The following NAV1 variants were observed in gnomAD, a reference collection of about 807,000 sequenced individuals.
The protein encoded by NAV1 is pore membrane and/or filament interacting like protein 3.
A neutral mutation model predicts 175.2 loss-of-function variants in NAV1; 18 were observed. The ratio of observed to expected loss-of-function variants is 0.10; its 90% CI spans 0.07 to 0.15. The LOEUF (loss-of-function observed/expected upper bound fraction) is 0.15, where lower values mean the gene tolerates loss of function less well. Among genes scored for constraint, NAV1 ranks in the 10% least tolerant of loss-of-function variants. NAV1 has a pLI of 1.00. For synonymous variants in NAV1, 897 were observed against 978.7 expected, an observed-to-expected ratio of 0.92 and a Z score of 1.56; for missense variants, 1,731 against 2,436.6, an observed-to-expected ratio of 0.71 and a Z score of 6.10.
At chr1:201,670,195 C>A (rs950282448) in intron 1 of NAV1, among the ~76,000 whole-genome samples, 1 of 150,992 alleles carries the variant, frequency 6.6e-6, no homozygotes, top group African/African-American at 2.4e-5. Context: ...ATCAAGACCA[C>A]GGTGAAACCC....
intron 21 of NAV1, 36 bp from the exon 26 acceptor site, chr1:201,809,406 T>G: frequency 6.2e-7 from 1 of 1,608,644 alleles, no homozygotes; most frequent in Non-Finnish European, 8.5e-7. Flanking sequence ...TCATCTGCAG[T>G]GAAGCTCAAG....
intron 1 of NAV1, among the ~76,000 whole-genome samples, chr1:201,708,778 C>T (rs1671776096): frequency 6.6e-6 from 1 of 152,176 alleles, no homozygotes; most frequent in African/African-American, 2.4e-5. Context: ...TGTCCCCAGG[C>T]CTGTCCCACA....
intron 16 of NAV1, 90 bp from the exon 21 acceptor site, chr1:201,804,399 A>C: frequency 3.9e-6 from 5 of 1,289,192 alleles, no homozygotes; most frequent in Middle Eastern, 1.9e-4. Context: ...TAATGCAGAC[A>C]GGTACCAGCT....
intron 3 of NAV1, among the ~76,000 whole-genome samples, chr1:201,753,103 G>C (rs888699478): frequency 6.6e-6 from 1 of 152,086 alleles, no homozygotes; most frequent in African/African-American, 2.4e-5. Context: ...CCTAAGCAAA[G>C]AAAGCTTTGG....
At chr1:201,658,193 C>T (rs1302195160) in intron 1 of NAV1, among the ~76,000 whole-genome samples, 7 of 152,212 alleles carry the variant, frequency 4.6e-5, no homozygotes, top group East Asian at 3.9e-4. Context: ...AAGTTAGTGT[C>T]GGCAGAGCAC....
chr1:201,665,167 C>T lies in NAV1; in HGVS notation c.757+15742C>T, dbSNP rs187910551. ...CTTCTTCTCTTTGAAGTGCTCCCCC[C>T]GCACCCTGCCCCACCATTCTCCCAG... On this transcript the variant is annotated intron_variant, in intron 1 of 29. Transcript: ENST00000367296. Among the ~76,000 whole-genome samples the T allele has an allele frequency of 3.8e-4, 58 of 152,190 alleles. No individual in the cohort carries two copies. In the East Asian group the frequency reaches 6.0e-3, roughly 16 times the overall value.
intron 1 of NAV1, among the ~76,000 whole-genome samples, chr1:201,676,182 C>T (rs1670241032): frequency 6.6e-6 from 1 of 152,212 alleles, no homozygotes; most frequent in Non-Finnish European, 1.5e-5. Flanking sequence ...GCACAGACCT[C>T]TGGCCTCCTG....
intron 2 of NAV1, among the ~76,000 whole-genome samples, chr1:201,599,386 C>T (rs532245980): frequency 2.6e-5 from 4 of 152,322 alleles, no homozygotes; most frequent in African/African-American, 9.6e-5. Flanking sequence ...GAATCAGCCA[C>T]CCTAGTCCAT....
intron 15 of NAV1, among the ~76,000 whole-genome samples, chr1:201,800,790 A>AT (rs887221073): frequency 1.5e-5 from 2 of 131,600 alleles, no homozygotes; most frequent in Admixed American, 7.4e-5. Context: ...ACAAATAAAG[A>AT]TTTTTTTTAA....
intron 2 of NAV1, among the ~76,000 whole-genome samples, chr1:201,607,874 G>GTGTGTT (rs1260286325): frequency 1.7e-5 from 2 of 115,210 alleles, no homozygotes; most frequent in Admixed American, 9.3e-5. Context: ...ACTTTATTGT[G>GTGTGTT]TGTGTGTGTG....
intron 16 of NAV1, 151 bp from the exon 21 acceptor site, chr1:201,804,338 G>A (rs749777860): frequency 2.3e-5 from 17 of 732,520 alleles, no homozygotes; most frequent in Middle Eastern, 2.4e-4. Context: ...AGGTGGACAC[G>A]TCCTGCTCCT....
rs1361676630 is a variant in NAV1, at chr1:201,782,013, G to T, written c.1664-163G>T. Among the ~76,000 whole-genome samples, 1 of 152,070 alleles carries T rather than the reference G, an allele frequency of 6.6e-6. No individual in the cohort carries two copies. Among genetic ancestry groups the T allele is most frequent in the East Asian group, 1.9e-4 (1 of 5,188 alleles). ...CTCCCAGCCAGAGTCTTTCAGACAA[G>T]AAACTTTATCAGCTTATCTTGTACC... is the stretch of plus-strand genomic sequence containing the variant. On this transcript the variant is annotated intron_variant, in intron 5 of 29. Transcript: ENST00000367296. The surrounding 1 kb of genome is among the most constrained non-coding windows in gnomAD (Gnocchi z 5.4).
At chr1:201,800,817 CTTTTTTTTTTTTT>C (rs61404613) in intron 15 of NAV1, among the ~76,000 whole-genome samples, 1 of 90,788 alleles carries the variant, frequency 1.1e-5, no homozygotes, top group Non-Finnish European at 2.0e-5. Context: ...CTTGGTGTAT[CTTTTTTTTTTTTT>C]TTTTTTTTTT....
intron 16 of NAV1, chr1:201,804,086 C>T (rs1432045954): frequency 2.1e-6 from 1 of 475,746 alleles, no homozygotes; most frequent in South Asian, 1.7e-5. Flanking sequence ...ATGAACAAAG[C>T]TGTTCATTCT....
chr1:201,573,890 T>C (rs998175512), intron 1 of NAV1, among the ~76,000 whole-genome samples: 1 of 152,058 alleles, frequency 6.6e-6, no homozygotes, highest in African/African-American at 2.4e-5. Context: ...GTCCCATCTC[T>C]AAAACAATTT....
intron 1 of NAV1, among the ~76,000 whole-genome samples, chr1:201,579,991 A>G (rs1321367381): frequency 6.6e-6 from 1 of 152,194 alleles, no homozygotes; most frequent in Non-Finnish European, 1.5e-5. Flanking sequence ...CCCAAGGCCA[A>G]AGGCCTGAGA....
At chr1:201,600,690 C>A (rs550883118) in intron 2 of NAV1, among the ~76,000 whole-genome samples, 8 of 151,714 alleles carry the variant, frequency 5.3e-5, no homozygotes, top group African/African-American at 1.9e-4. Flanking sequence ...AAAAATGGAC[C>A]AAGATGAGTC....
At chr1:201,726,014 C>A (rs1225613161) in intron 3 of NAV1, among the ~76,000 whole-genome samples, 1 of 152,144 alleles carries the variant, frequency 6.6e-6, no homozygotes, top group Non-Finnish European at 1.5e-5. Flanking sequence ...CTTATTGGGT[C>A]CACAGTAAAG....
chr1:201,775,888 G>T (rs1345616542), intron 3 of NAV1, among the ~76,000 whole-genome samples: 1 of 151,644 alleles, frequency 6.6e-6, no homozygotes, highest in Non-Finnish European at 1.5e-5. Flanking sequence ...TGAGACCCTG[G>T]CTCTACAAAA....
Sources: gnomAD v4.1 joint callset for allele counts (sites outside exome capture counted in the v4.1 genomes callset) on GRCh38, gnomAD v4.1.1 for gene constraint, Gnocchi (gnomAD v3.1) non-coding constraint, MANE v1.5 for transcripts, NCBI Gene and HGNC (gene_info 2026-07-23, HGNC 2026-07-21) for gene names.